Variants in LRGUK observed in about 807,000 individuals in gnomAD.
LRGUK encodes leucine-rich repeat and guanylate kinase domain-containing protein.
LRGUK carries 65 observed loss-of-function variants against 76.0 expected under a neutral mutation model. That is an observed-to-expected ratio of 0.85 (90% CI 0.70 to 1.05). The LOEUF (loss-of-function observed/expected upper bound fraction) is 1.05. LRGUK is among the 50% of genes least tolerant of loss of function. LRGUK has a pLI of 0.00. For missense variants in LRGUK, 758 were observed against 732.8 expected (o/e 1.03, Z -0.40); for synonymous variants, 268 against 265.6 (o/e 1.01, Z -0.09).
At chr7:134,144,828 C>T (rs1036792509) in intron 4 of LRGUK, among the ~76,000 whole-genome samples, 3 of 151,978 alleles carry the variant, frequency 2.0e-5, no homozygotes, top group African/African-American at 4.8e-5. Context: ...GCAAATAAGC[C>T]GCACTAGGTG....
At chr7:134,270,861 G>C in the LRGUK span, among the ~76,000 whole-genome samples, 1 of 152,042 alleles carries the variant, frequency 6.6e-6, no homozygotes, top group African/African-American at 2.4e-5. Context: ...TGGAATTGCT[G>C]TGTTATAGGT....
intron 7 of LRGUK, among the ~76,000 whole-genome samples, chr7:134,173,878 T>C (rs1799367548): frequency 6.6e-6 from 1 of 152,074 alleles, no homozygotes; most frequent in Admixed American, 6.5e-5. Flanking sequence ...TGGGAGGCTG[T>C]GGCAGGCGGA....
At chr7:134,174,107 C>CAA (rs112357506) in intron 7 of LRGUK, among the ~76,000 whole-genome samples, 16,320 of 80,432 alleles carry the variant, frequency 0.2, 1,546 homozygotes, top group East Asian at 0.47. Context: ...GACTCCATCG[C>CAA]AAAAAAAAAA....
chr7:134,153,558 A>G (rs1798321864), intron 5 of LRGUK, among the ~76,000 whole-genome samples: 1 of 152,204 alleles, frequency 6.6e-6, no homozygotes, highest in African/African-American at 2.4e-5. Context: ...TTTAGAGACC[A>G]TCTAGTGCTA....
chr7:134,202,907 T>C (rs568743554), intron 15 of LRGUK, among the ~76,000 whole-genome samples: 1 of 152,206 alleles, frequency 6.6e-6, no homozygotes, highest in South Asian at 2.1e-4. Flanking sequence ...ACTGTGTACT[T>C]AAAAATGGTT....
In LRGUK at chr7:134,252,374, A is replaced by AATTT. The variant is rs1563200839; in HGVS notation, c.2198+3299_2198+3300insTTTA. Among the ~76,000 whole-genome samples, 214 of 150,930 alleles carry AATTT rather than the reference A, an allele frequency of 1.4e-3. 1 individual carries two copies. Among genetic ancestry groups the AATTT allele is most frequent in the African/African-American group, 5.0e-3 (202 of 40,492 alleles). ...AAATTAAATTAAATTAAATTAAATTAAATTAAAGGGACCTAACATTCTGGC... is the reference window on the plus strand; with the variant it reads ...AAATTAAATTAAATTAAATTAAATTAATTTAATTAAAGGGACCTAACATTCTGGC... On this transcript the variant is annotated intron_variant, in intron 18 of 19. Coordinates refer to the LRGUK transcript ENST00000285928.
chr7:134,150,939 T>A (rs1159576599), intron 5 of LRGUK, among the ~76,000 whole-genome samples: 7 of 152,062 alleles, frequency 4.6e-5, no homozygotes, highest in Admixed American at 6.5e-5. Context: ...ATAATTAGAG[T>A]GTAACATGGC....
chr7:134,141,907 G>T (rs543148128), intron 3 of LRGUK, among the ~76,000 whole-genome samples: 1 of 152,154 alleles, frequency 6.6e-6, no homozygotes, highest in Admixed American at 6.5e-5. Flanking sequence ...GTAAGGAAGG[G>T]CATGGTTTCG....
At chr7:134,223,058 G>T (rs1055385266) in intron 16 of LRGUK, among the ~76,000 whole-genome samples, 1 of 152,174 alleles carries the variant, frequency 6.6e-6, no homozygotes, top group African/African-American at 2.4e-5. Flanking sequence ...CTCTTACTGA[G>T]TCACAATAGT....
At chr7:134,252,851 T>C (rs1802482518) in intron 18 of LRGUK, among the ~76,000 whole-genome samples, 1 of 152,188 alleles carries the variant, frequency 6.6e-6, no homozygotes, top group Non-Finnish European at 1.5e-5. Context: ...GCCCAGATGA[T>C]AGCTAATTGC....
intron 7 of LRGUK, among the ~76,000 whole-genome samples, chr7:134,171,446 A>G (rs1799244174): frequency 6.6e-6 from 1 of 151,738 alleles, no homozygotes. Flanking sequence ...ATATTTTTAT[A>G]TATTCACATA....
At chr7:134,199,982 T>TTCTA (rs1554469578) in intron 14 of LRGUK, among the ~76,000 whole-genome samples, 1 of 38,412 alleles carries the variant, frequency 2.6e-5, no homozygotes, top group African/African-American at 9.6e-5. Context: ...CTAGAAACTT[T>TTCTA]TATATATATA....
intron 3 of LRGUK, 140 bp downstream of exon 3, chr7:134,139,657 TA>T: frequency 3.5e-6 from 2 of 566,288 alleles, no homozygotes; most frequent in Admixed American, 3.8e-5. Context: ...GCTTTCCATG[TA>T]AAAAAGGCAC....
the LRGUK span, among the ~76,000 whole-genome samples, chr7:134,273,602 T>A: frequency 6.6e-6 from 1 of 152,098 alleles, no homozygotes; most frequent in Admixed American, 6.5e-5. Flanking sequence ...CTTTCTAGAA[T>A]GATTTTGGCA....
At chr7:134,213,115 A>G (rs921021928), downstream of LRGUK, among the ~76,000 whole-genome samples, 3 of 152,238 alleles carry the variant, frequency 2.0e-5, no homozygotes, top group African/African-American at 7.2e-5. Flanking sequence ...ACGCGCAGGC[A>G]TAGCATCTTC....
the LRGUK span, among the ~76,000 whole-genome samples, chr7:134,272,616 C>T: frequency 6.6e-6 from 1 of 152,056 alleles, no homozygotes; most frequent in Non-Finnish European, 1.5e-5. Flanking sequence ...CAGGTACATC[C>T]CATTATTAAG....
chr7:134,270,312 A>G, the LRGUK span, among the ~76,000 whole-genome samples: 3 of 152,096 alleles, frequency 2.0e-5, no homozygotes, highest in Non-Finnish European at 4.4e-5. Flanking sequence ...ATTAAACTAC[A>G]CTCACTCAAC....
At chr7:134,130,694 T>A (rs952308119) in intron 1 of LRGUK, among the ~76,000 whole-genome samples, 1 of 152,246 alleles carries the variant, frequency 6.6e-6, no homozygotes, top group South Asian at 2.1e-4. Flanking sequence ...TGCAATGCTA[T>A]CATGGTCACA....
At chr7:134,239,042 T>C (rs1438826683) in intron 16 of LRGUK, among the ~76,000 whole-genome samples, 1 of 152,072 alleles carries the variant, frequency 6.6e-6, no homozygotes, top group Admixed American at 6.6e-5. Flanking sequence ...AGGGGGTCAG[T>C]TTCAAGAATT....
Sources: allele counts gnomAD v4.1 joint callset (sites outside exome capture counted in the v4.1 genomes callset), GRCh38; gene constraint gnomAD v4.1.1; transcripts MANE v1.5; gene names NCBI Gene and HGNC (gene_info 2026-07-23, HGNC 2026-07-21).